Variants in COLEC11 observed in about 807,000 individuals in gnomAD.
COLEC11 encodes collectin subfamily member 11.
COLEC11 carries 20 observed loss-of-function variants against 27.3 expected under a neutral mutation model. The observed-to-expected ratio is 0.73, with a 90% CI of 0.51 to 1.06. The LOEUF (loss-of-function observed/expected upper bound fraction) is 1.06, where lower values mean the gene tolerates loss of function less well. Among genes scored for constraint, COLEC11 ranks in the 50% least tolerant of loss-of-function variants. The pLI is 0.00. For synonymous variants in COLEC11, 163 were observed against 154.7 expected, an observed-to-expected ratio of 1.05 and a Z score of -0.40; for missense variants, 310 against 383.0, an observed-to-expected ratio of 0.81 and a Z score of 1.59.
At chr2:3,633,968 G>A (rs1026330175) in intron 3 of COLEC11, among the ~76,000 whole-genome samples, 1 of 152,206 alleles carries the variant, frequency 6.6e-6, no homozygotes, top group Non-Finnish European at 1.5e-5. Flanking sequence ...ACCCTCTGCG[G>A]GAGGCCGAGC....
chr2:3,603,720 T>TG, intron 1 of COLEC11: 1 of 1,531,804 alleles, frequency 6.5e-7, no homozygotes, highest in South Asian at 1.2e-5. Flanking sequence ...CCTCTTCCTA[T>TG]GGGCTCGGCC....
rs114318055 is a variant in COLEC11 at position 3,603,631 on chromosome 2, G to T, written c.-26-684G>T. 863 of 1,550,992 alleles carry T rather than the reference G, an allele frequency of 5.6e-4. 8 individuals carry two copies. In the African/African-American group the frequency reaches 0.011, roughly 19 times the overall value. On this transcript the variant is annotated intron_variant, in intron 1 of 6. Transcript: ENST00000349077. ...TGCGCCTGGTCTTGTTTTCCAAGTT[G>T]TAACGCCCTTCACGATGAAGAAACA...
rs563139009 is a variant in COLEC11, at chr2:3,602,578, C to T, written c.-26-1737C>T. 6.6e-6 allele frequency among the ~76,000 whole-genome samples: 1 copy of T among 152,326 alleles called. No homozygotes were observed. The highest frequency in any genetic ancestry group is 1.9e-4 in the East Asian group (1 of 5,182). On this transcript the variant is annotated intron_variant, in intron 1 of 6. Transcript: ENST00000349077. The surrounding 1 kb of genome is among the most constrained non-coding windows in gnomAD (Gnocchi z 6.2). Reference sequence around the variant, plus strand: ...TCCTCGCCCGCTGTGCTGTTGTGGTCACCCTGGCTTGGTCTCCTTGCTTCC... The same window carrying T: ...TCCTCGCCCGCTGTGCTGTTGTGGTTACCCTGGCTTGGTCTCCTTGCTTCC...
At chr2:3,622,351 C>G (rs1664245566) in intron 3 of COLEC11, among the ~76,000 whole-genome samples, 1 of 151,962 alleles carries the variant, frequency 6.6e-6, no homozygotes, top group African/African-American at 2.4e-5. Flanking sequence ...ACAACAACAA[C>G]AAATTATTGT....
chr2:3,603,377 C>T (rs532352009), intron 1 of COLEC11: 15 of 428,676 alleles, frequency 3.5e-5, no homozygotes, highest in African/African-American at 1.6e-4. Context: ...AGTGTAGTGG[C>T]GTGATCTCAG....
intron 5 of COLEC11, 100 bp downstream of exon 5, chr2:3,640,431 C>A (rs1665759480): frequency 2.7e-6 from 2 of 731,668 alleles, no homozygotes; most frequent in Non-Finnish European, 4.9e-6. Context: ...ACAGTGGACA[C>A]CCACCCCTGT....
chr2:3,624,945 G>T (rs2147919256), intron 3 of COLEC11, among the ~76,000 whole-genome samples: 1 of 152,262 alleles, frequency 6.6e-6, no homozygotes, highest in African/African-American at 2.4e-5. Context: ...CGAGTAAGTG[G>T]TTCCAAGTCC....
At chr2:3,623,094 A>G (rs539422404) in intron 3 of COLEC11, among the ~76,000 whole-genome samples, 4 of 152,192 alleles carry the variant, frequency 2.6e-5, no homozygotes, top group African/African-American at 7.2e-5. Flanking sequence ...TTCTTTCAGT[A>G]CTTTGAATAT....
rs533944147 is a variant in COLEC11, at chr2:3,611,130, G to A, written c.131-2181G>A. On this transcript the variant is annotated intron_variant, in intron 2 of 6. Coordinates refer to ENST00000349077, the MANE Select transcript of COLEC11 (RefSeq NM_024027.5). ...ACGAAGGCTTTGTTCCTCTCTTTCC[G>A]GAATTGCTGTCAGAGCGACATTGGC... Among the ~76,000 whole-genome samples, 20 of 152,274 alleles carry A rather than the reference G, an allele frequency of 1.3e-4. 1 individual carries two copies. The highest frequency in any genetic ancestry group is 4.1e-4 in the African/African-American group (17 of 41,552).
chr2:3,614,141 T>TC (rs1663472309), intron 3 of COLEC11, among the ~76,000 whole-genome samples: 1 of 75,304 alleles, frequency 1.3e-5, no homozygotes, highest in Non-Finnish European at 3.0e-5. Flanking sequence ...CTAATTTTTT[T>TC]TTGGGGGGTA....
intron 3 of COLEC11, among the ~76,000 whole-genome samples, chr2:3,617,395 G>A (rs1356159879): frequency 6.6e-6 from 1 of 152,128 alleles, no homozygotes; most frequent in Non-Finnish European, 1.5e-5. Flanking sequence ...CGCGGCCTTC[G>A]TTGTCCGTAG....
At chr2:3,629,489 C>G (rs573878384) in intron 3 of COLEC11, among the ~76,000 whole-genome samples, 5 of 152,304 alleles carry the variant, frequency 3.3e-5, no homozygotes, top group Non-Finnish European at 7.4e-5. Context: ...TGTACATGCA[C>G]TCATGCACAC....
At chr2:3,621,745 A>T (rs1488695341) in intron 3 of COLEC11, among the ~76,000 whole-genome samples, 1 of 152,228 alleles carries the variant, frequency 6.6e-6, no homozygotes, top group African/African-American at 2.4e-5. Context: ...CTTATATAAA[A>T]CATTTTATAG....
intron 3 of COLEC11, among the ~76,000 whole-genome samples, chr2:3,635,645 C>T (rs748099308): frequency 6.6e-6 from 1 of 152,240 alleles, no homozygotes; most frequent in Non-Finnish European, 1.5e-5. Flanking sequence ...CTGCAGCCAG[C>T]GCCCTGCACA....
intron 2 of COLEC11, among the ~76,000 whole-genome samples, chr2:3,610,001 G>A (rs530465848): frequency 6.6e-6 from 1 of 152,356 alleles, no homozygotes; most frequent in African/African-American, 2.4e-5. Flanking sequence ...ACAGGCAGAT[G>A]GATGCAGGTG....
chr2:3,617,896 G>A, intron 3 of COLEC11: 1 of 515,012 alleles, frequency 1.9e-6, no homozygotes, highest in Non-Finnish European at 3.5e-6. Flanking sequence ...TAACAGGTGT[G>A]AGGTAATGTC....
At chr2:3,633,558 G>T (rs1386983434) in intron 3 of COLEC11, among the ~76,000 whole-genome samples, 1 of 152,166 alleles carries the variant, frequency 6.6e-6, no homozygotes, top group Non-Finnish European at 1.5e-5. Flanking sequence ...TTGTGAGGGT[G>T]CTGTGAGCGC....
At chr2:3,606,476 C>T (rs1256527249) in intron 2 of COLEC11, among the ~76,000 whole-genome samples, 1 of 152,216 alleles carries the variant, frequency 6.6e-6, no homozygotes, top group African/African-American at 2.4e-5. Context: ...GGTCACCTGT[C>T]CTCCCAAGCC....
chr2:3,622,804 T>A (rs2147913422), intron 3 of COLEC11, among the ~76,000 whole-genome samples: 1 of 152,290 alleles, frequency 6.6e-6, no homozygotes, highest in East Asian at 1.9e-4. Context: ...AAAAAGAATT[T>A]CTTTTCTTTA....
Sources: gnomAD v4.1 joint callset for allele counts (sites outside exome capture counted in the v4.1 genomes callset) on GRCh38, gnomAD v4.1.1 for gene constraint, Gnocchi (gnomAD v3.1) non-coding constraint, MANE v1.5 for transcripts, NCBI Gene and HGNC (gene_info 2026-07-23, HGNC 2026-07-21) for gene names.